KCNMB2: variants seen among roughly 807,000 people sequenced by gnomAD.
The protein encoded by KCNMB2 is potassium calcium-activated channel subfamily M regulatory beta subunit 2, also known as calcium-activated potassium channel subunit beta-2.
KCNMB2 carries 9 observed loss-of-function variants against 24.5 expected under a neutral mutation model. The observed-to-expected ratio is 0.37, with a 90% confidence interval of 0.22 to 0.64. The LOEUF is 0.64. KCNMB2 is among the 30% of genes least tolerant of loss of function. The pLI is 0.63. For synonymous variants in KCNMB2, 109 were observed against 104.4 expected (o/e 1.04, Z -0.27); for missense variants, 226 against 284.3 (o/e 0.79, Z 1.47).
chr3:178,810,917 T>C (rs536896817), intron 2 of KCNMB2, among the ~76,000 whole-genome samples: 3 of 147,036 alleles, frequency 2.0e-5, no homozygotes, highest in Non-Finnish European at 4.5e-5. Context: ...TTTTTTTTTT[T>C]TTTTTTTTGT....
chr3:178,588,917 C>G (rs1342609415), intron 1 of KCNMB2, among the ~76,000 whole-genome samples: 1 of 152,142 alleles, frequency 6.6e-6, no homozygotes, highest in Non-Finnish European at 1.5e-5. Flanking sequence ...AAGGACCTGT[C>G]GCAGAGAAAG....
intron 1 of KCNMB2, among the ~76,000 whole-genome samples, chr3:178,657,216 T>G (rs180677718): frequency 2.6e-5 from 4 of 152,340 alleles, no homozygotes; most frequent in African/African-American, 9.6e-5. Flanking sequence ...AAAGAGGTCC[T>G]GCACCACACA....
At chr3:178,753,671 T>C (rs1041020626) in intron 1 of KCNMB2, among the ~76,000 whole-genome samples, 1 of 152,188 alleles carries the variant, frequency 6.6e-6, no homozygotes. Flanking sequence ...TTTTAATTGA[T>C]AACTAAAAAG....
chr3:178,573,342 T>C (rs1305447237), intron 1 of KCNMB2, among the ~76,000 whole-genome samples: 1 of 152,130 alleles, frequency 6.6e-6, no homozygotes, highest in Non-Finnish European at 1.5e-5. Context: ...CAAAAGTTTA[T>C]GAATTAAGGT....
intron 1 of KCNMB2, among the ~76,000 whole-genome samples, chr3:178,669,993 T>C (rs1055290103): frequency 2.0e-5 from 3 of 152,064 alleles, no homozygotes; most frequent in Non-Finnish European, 2.9e-5. Flanking sequence ...CATTGATTCT[T>C]CTTGACTAGA....
intron 1 of KCNMB2, among the ~76,000 whole-genome samples, chr3:178,691,987 A>G (rs1721697229): frequency 6.6e-6 from 1 of 151,998 alleles, no homozygotes. Context: ...TTTTGATTTC[A>G]TTTCTCTAAT....
intron 4 of KCNMB2, among the ~76,000 whole-genome samples, chr3:178,836,803 C>T (rs1560041489): frequency 6.6e-6 from 1 of 151,848 alleles, no homozygotes; most frequent in Non-Finnish European, 1.5e-5. Context: ...ACACCTCCCA[C>T]CAAAAAAGAG....
intron 1 of KCNMB2, chr3:178,729,540 A>G (rs1356204383): frequency 6.6e-6 from 1 of 152,128 alleles, no homozygotes; most frequent in African/African-American, 2.4e-5. Flanking sequence ...CTTGACTTTC[A>G]TATTTTATGT....
chr3:178,828,549 T>C (rs948115653), intron 4 of KCNMB2, among the ~76,000 whole-genome samples, 176 bp downstream of exon 4: 3 of 152,242 alleles, frequency 2.0e-5, no homozygotes, highest in African/African-American at 7.2e-5. Context: ...ATTTATTTTC[T>C]GTGCAAGTTG....
chr3:178,549,393 C>A (rs1262094746), intron 1 of KCNMB2, among the ~76,000 whole-genome samples: 1 of 147,744 alleles, frequency 6.8e-6, no homozygotes, highest in African/African-American at 2.5e-5. Context: ...TCACTGCAGT[C>A]TCTGCCTCCT....
intron 1 of KCNMB2, among the ~76,000 whole-genome samples, chr3:178,595,774 C>G (rs1420220928): frequency 6.6e-6 from 1 of 152,098 alleles, no homozygotes; most frequent in African/African-American, 2.4e-5. Flanking sequence ...TCGGGTATGT[C>G]TTTATTAGCA....
At chr3:178,609,320 T>C (rs1219484803) in intron 1 of KCNMB2, among the ~76,000 whole-genome samples, 1 of 152,164 alleles carries the variant, frequency 6.6e-6, no homozygotes, top group Non-Finnish European at 1.5e-5. Context: ...CTTGTGCCCA[T>C]TTTTTGATAA....
intron 1 of KCNMB2, among the ~76,000 whole-genome samples, chr3:178,583,619 T>G (rs1016475771): frequency 3.9e-5 from 6 of 152,166 alleles, no homozygotes; most frequent in African/African-American, 1.2e-4. Context: ...AGAATAAAAA[T>G]TTCCTTTTCA....
chr3:178,571,612 C>T (rs1716802918), intron 1 of KCNMB2, among the ~76,000 whole-genome samples: 1 of 151,706 alleles, frequency 6.6e-6, no homozygotes, highest in Non-Finnish European at 1.5e-5. Context: ...GTTTGCTGCA[C>T]CTATCAACCT....
chr3:178,802,582 T>C (rs1006317270), intron 1 of KCNMB2, among the ~76,000 whole-genome samples: 1 of 152,114 alleles, frequency 6.6e-6, no homozygotes, highest in African/African-American at 2.4e-5. Flanking sequence ...TGAGAGGTTA[T>C]AGTCATGTTT....
chr3:178,649,307 A>T (rs1720024404), intron 1 of KCNMB2, among the ~76,000 whole-genome samples: 1 of 152,182 alleles, frequency 6.6e-6, no homozygotes, highest in East Asian at 1.9e-4. Flanking sequence ...ACTCATAAAC[A>T]TCACCTTCTA....
At chr3:178,793,107 T>C (rs1222024988) in intron 1 of KCNMB2, among the ~76,000 whole-genome samples, 2 of 152,216 alleles carry the variant, frequency 1.3e-5, no homozygotes, top group Non-Finnish European at 2.9e-5. Flanking sequence ...AGCCTAAATA[T>C]ACACAGCCCT....
At chr3:178,713,618 C>A (rs1722522340) in intron 1 of KCNMB2, among the ~76,000 whole-genome samples, 1 of 152,200 alleles carries the variant, frequency 6.6e-6, no homozygotes, top group Admixed American at 6.5e-5. Context: ...CTGCCCCCTA[C>A]CTCCACTCTT....
chr3:178,645,135 C>T (rs1237292707), intron 1 of KCNMB2, among the ~76,000 whole-genome samples: 1 of 146,826 alleles, frequency 6.8e-6, no homozygotes, highest in Admixed American at 7.0e-5. Flanking sequence ...ACAACAACCT[C>T]TGCCACCCGG....
Sources: gnomAD v4.1 joint callset for allele counts (sites outside exome capture counted in the v4.1 genomes callset) on GRCh38, gnomAD v4.1.1 for gene constraint, MANE v1.5 for transcripts, NCBI Gene and HGNC (gene_info 2026-07-23, HGNC 2026-07-21) for gene names.